Variants in PKHD1 observed in about 807,000 individuals in gnomAD.
PKHD1 encodes the protein fibrocystin.
PKHD1 carries 291 observed loss-of-function variants against 412.0 expected under a neutral mutation model. The observed-to-expected ratio is 0.71, with a 90% CI of 0.64 to 0.78. The LOEUF (loss-of-function observed/expected upper bound fraction) is 0.78, where lower values mean the gene tolerates loss of function less well. Among genes scored for constraint, PKHD1 ranks in the 30% least tolerant of loss-of-function variants. The probability of loss-of-function intolerance (pLI) is 0.00; values close to 1 mark genes in which losing one functional copy is unlikely to be tolerated. For synonymous variants in PKHD1, 1,777 were observed against 1,821.5 expected, an observed-to-expected ratio of 0.98 and a Z score of 0.62; for missense variants, 4,825 against 4,950.7, an observed-to-expected ratio of 0.97 and a Z score of 0.76.
At chr6:51,950,220 A>AAAAAAAAATATAT in intron 36 of PKHD1, among the ~76,000 whole-genome samples, 5 of 98,320 alleles carry the variant, frequency 5.1e-5, no homozygotes, top group Admixed American at 2.7e-4. Flanking sequence ...GAAAAAAAAA[A>AAAAAAAAATATAT]ATATATATAT....
rs923965681 is a variant in PKHD1, at chr6:51,787,084, G to C, written c.8440+4152C>G. ...GCCTTACAAGCAGGACCACCGGCTG[G>C]GCATGGTGGCTCATGCCTATAATCC... On this transcript the variant is annotated intron_variant, in intron 53 of 66. Coordinates refer to ENST00000371117, the MANE Select transcript of PKHD1 (RefSeq NM_138694.4). Among the ~76,000 whole-genome samples the C allele has an allele frequency of 2.0e-5, 3 of 152,300 alleles. No homozygotes were observed. The East Asian group carries it at 5.8e-4, about 29-fold the overall frequency.
intron 37 of PKHD1, among the ~76,000 whole-genome samples, chr6:51,929,128 G>A (rs562369168): frequency 6.6e-6 from 1 of 152,172 alleles, no homozygotes; most frequent in Non-Finnish European, 1.5e-5. Flanking sequence ...GGTGACGAGA[G>A]AGTGGAGATT....
intron 35 of PKHD1, among the ~76,000 whole-genome samples, chr6:51,961,167 G>C (rs376421743): frequency 7.9e-5 from 12 of 151,820 alleles, no homozygotes; most frequent in African/African-American, 2.7e-4. Context: ...TAGAAGGGAA[G>C]GCATGTTTGT....
At chr6:51,736,635 C>T (rs557937381) in intron 60 of PKHD1, among the ~76,000 whole-genome samples, 1 of 152,206 alleles carries the variant, frequency 6.6e-6, no homozygotes, top group Admixed American at 6.5e-5. Flanking sequence ...ATCTTTGGGG[C>T]CTGTAATTGC....
Position 51,912,358 on chromosome 6 carries a change from C to T in PKHD1, c.6332+8G>A, listed in dbSNP as rs1783089971. 1 of 1,580,288 alleles carries T rather than the reference C, an allele frequency of 6.3e-7. No individual in the cohort carries two copies. The highest frequency in any genetic ancestry group is 1.3e-5 in the African/African-American group (1 of 74,326). Reference sequence around the variant, plus strand: ...CCATGTCAACTTAGCCAAGCTGACACTCAGTACCTCAAAGGTGACTTAAGA... The same window carrying T: ...CCATGTCAACTTAGCCAAGCTGACATTCAGTACCTCAAAGGTGACTTAAGA... On this transcript the variant is annotated splice_region_variant and intron_variant, in intron 38 of 66. Transcript: ENST00000371117.
intron 60 of PKHD1, among the ~76,000 whole-genome samples, chr6:51,672,820 C>G (rs1297315383): frequency 6.6e-6 from 1 of 152,134 alleles, no homozygotes; most frequent in Non-Finnish European, 1.5e-5. Flanking sequence ...GGAAGGGGCT[C>G]TTGAACAATT....
At chr6:52,065,589 A>G (rs951697731) in intron 12 of PKHD1, among the ~76,000 whole-genome samples, 41 of 152,300 alleles carry the variant, frequency 2.7e-4, no homozygotes, top group African/African-American at 9.1e-4. Flanking sequence ...TTCCAGAGTA[A>G]TCTGCATAGC....
chr6:51,665,357 G>A (rs1401870068), intron 60 of PKHD1, among the ~76,000 whole-genome samples: 2 of 152,086 alleles, frequency 1.3e-5, no homozygotes, highest in African/African-American at 2.4e-5. Context: ...AGTAGCTTTA[G>A]CCACTGAGGG....
chr6:51,698,120 A>G (rs60496081), intron 60 of PKHD1, among the ~76,000 whole-genome samples: 26,805 of 152,140 alleles, frequency 0.18, 2,590 homozygotes, highest in African/African-American at 0.26. Flanking sequence ...CTCAGAGACC[A>G]CTAAACAGGT....
At chr6:51,935,134 G>C (rs1444434096) in intron 36 of PKHD1, among the ~76,000 whole-genome samples, 2 of 152,070 alleles carry the variant, frequency 1.3e-5, no homozygotes, top group Non-Finnish European at 2.9e-5. Flanking sequence ...TGATTAGTAG[G>C]TTACCCAATA....
chr6:51,862,412 A>G (rs1774335031), intron 48 of PKHD1, among the ~76,000 whole-genome samples: 1 of 152,140 alleles, frequency 6.6e-6, no homozygotes, highest in African/African-American at 2.4e-5. Context: ...TTAATTCTGT[A>G]ACCTTTGCTG....
chr6:51,950,220 A>AATATATATAT lies in PKHD1; in HGVS notation c.5908+9640_5908+9649dup, dbSNP rs1333126139. On this transcript the variant is annotated intron_variant, in intron 36 of 66. Transcript: ENST00000371117. ...AATGGGCAATATAGAGAAAAAAAAA[A>AATATATATAT]ATATATATATATATATATATGAAAT... Among the ~76,000 whole-genome samples, 93 of 98,272 alleles carry AATATATATAT rather than the reference A, an allele frequency of 9.5e-4. 1 individual carries two copies. Among genetic ancestry groups the AATATATATAT allele is most frequent in the Middle Eastern group, 4.8e-3 (1 of 208 alleles). 64.5% of individuals were successfully genotyped at this position (98,272 alleles called of 152,430 possible).
intron 50 of PKHD1, among the ~76,000 whole-genome samples, chr6:51,836,931 C>T (rs1175575674): frequency 3.3e-5 from 5 of 152,264 alleles, no homozygotes; most frequent in Admixed American, 2.0e-4. Flanking sequence ...CTTTTCCCCA[C>T]CCCCTATCCT....
At chr6:52,049,499 C>T (rs1259384359) in intron 22 of PKHD1, among the ~76,000 whole-genome samples, 2 of 152,124 alleles carry the variant, frequency 1.3e-5, no homozygotes, top group African/African-American at 4.8e-5. Flanking sequence ...TATACATATA[C>T]ATACATCAAA....
chr6:51,816,122 A>G (rs993766541), intron 52 of PKHD1, among the ~76,000 whole-genome samples: 1 of 152,226 alleles, frequency 6.6e-6, no homozygotes, highest in Non-Finnish European at 1.5e-5. Flanking sequence ...TAAATGTATT[A>G]ATAAATTGCT....
intron 52 of PKHD1, among the ~76,000 whole-genome samples, chr6:51,824,833 T>TG (rs1462710095): frequency 6.6e-6 from 1 of 152,170 alleles, no homozygotes; most frequent in Non-Finnish European, 1.5e-5. Context: ...GACCACAAGT[T>TG]GCAGTTCAAC....
chr6:51,810,451 C>T (rs928801720), intron 52 of PKHD1, among the ~76,000 whole-genome samples: 1 of 152,130 alleles, frequency 6.6e-6, no homozygotes, highest in African/African-American at 2.4e-5. Context: ...ACTTTAGATG[C>T]TTCTATAAAA....
At chr6:51,903,825 T>C (rs1245914149) in intron 42 of PKHD1, 98 bp from the exon 43 acceptor site, 9 of 682,252 alleles carry the variant, frequency 1.3e-5, no homozygotes, top group East Asian at 3.1e-5. Flanking sequence ...GTTCACATAA[T>C]GCATTTCATA....
chr6:51,989,927 GGAAGGAAAGAA>G (rs1796747157), intron 35 of PKHD1, among the ~76,000 whole-genome samples: 1 of 104,626 alleles, frequency 9.6e-6, no homozygotes. Context: ...AAGGAAGGAA[GGAAGGAAAGAA>G]GGAAGGAAGA....
Sources: allele counts gnomAD v4.1 joint callset (sites outside exome capture counted in the v4.1 genomes callset), GRCh38; gene constraint gnomAD v4.1.1; transcripts MANE v1.5; gene names NCBI Gene and HGNC (gene_info 2026-07-23, HGNC 2026-07-21).